The following PEX5L variants were observed in gnomAD, a reference collection of about 807,000 sequenced individuals.
PEX5L encodes peroxisomal biogenesis factor 5 like.
A neutral mutation model predicts 84.0 loss-of-function variants in PEX5L; 30 were observed. That is an observed-to-expected ratio of 0.36 (90% CI 0.27 to 0.48). PEX5L has a LOEUF of 0.48. Among genes scored for constraint, PEX5L ranks in the 20% least tolerant of loss-of-function variants. The probability of loss-of-function intolerance (pLI) is 0.99; values close to 1 mark genes in which losing one functional copy is unlikely to be tolerated. For missense variants in PEX5L, 533 were observed against 754.6 expected (o/e 0.71, Z 3.44); for synonymous variants, 270 against 283.1 (o/e 0.95, Z 0.46).
intron 2 of PEX5L, among the ~76,000 whole-genome samples, chr3:179,954,203 T>TGG (rs1560895282): frequency 1.9e-5 from 2 of 108,030 alleles, no homozygotes; most frequent in African/African-American, 7.1e-5. Context: ...TAACCATTAG[T>TGG]CGGGGGGGGG....
intron 4 of PEX5L, among the ~76,000 whole-genome samples, chr3:179,884,291 A>T (rs1288440712): frequency 6.6e-6 from 1 of 152,176 alleles, no homozygotes; most frequent in Non-Finnish European, 1.5e-5. Context: ...ATTAATCTGG[A>T]TGATCCCTGT....
intron 8 of PEX5L, among the ~76,000 whole-genome samples, chr3:179,854,142 G>A (rs1371575154): frequency 6.7e-5 from 10 of 149,742 alleles, no homozygotes; most frequent in African/African-American, 9.8e-5. Context: ...GAGGCACCAC[G>A]CCAGACTTGA....
chr3:179,844,537 T>G (rs1359719675), intron 8 of PEX5L, among the ~76,000 whole-genome samples: 1 of 152,162 alleles, frequency 6.6e-6, no homozygotes, highest in Non-Finnish European at 1.5e-5. Context: ...TAACTTCAAA[T>G]GCATCTTTCA....
intron 1 of PEX5L, among the ~76,000 whole-genome samples, chr3:180,018,223 C>T (rs965807139): frequency 6.6e-6 from 1 of 152,128 alleles, no homozygotes; most frequent in Non-Finnish European, 1.5e-5. Context: ...TACGTTGTTT[C>T]ATATAATATT....
chr3:179,964,025 C>T (rs1007485787), intron 2 of PEX5L, among the ~76,000 whole-genome samples: 12 of 151,948 alleles, frequency 7.9e-5, no homozygotes, highest in Middle Eastern at 3.4e-3. Flanking sequence ...TTGCATGTCA[C>T]GGGGATATGC....
At chr3:179,930,698 G>A (rs965063758) in intron 2 of PEX5L, among the ~76,000 whole-genome samples, 3 of 152,176 alleles carry the variant, frequency 2.0e-5, no homozygotes, top group Non-Finnish European at 2.9e-5. Flanking sequence ...GAAATGTTAG[G>A]ATCTGTCATT....
intron 14 of PEX5L, among the ~76,000 whole-genome samples, chr3:179,802,532 C>CAAAAAAAAAA (rs369244711): frequency 2.3e-3 from 165 of 73,114 alleles, no homozygotes; most frequent in South Asian, 3.5e-3. Context: ...GAGACTGTCT[C>CAAAAAAAAAA]AAAAAAAAAA....
chr3:179,816,152 G>GC, intron 9 of PEX5L, 148 bp from the exon 10 acceptor site: 1 of 707,354 alleles, frequency 1.4e-6, no homozygotes, highest in East Asian at 2.7e-5. Flanking sequence ...TGGTGGGAGT[G>GC]TAAATTAGTT....
At position 179,943,485 on chromosome 3, in the gene PEX5L, C is replaced by A. The variant is rs558022109; in HGVS notation, c.93+28109G>T. Among the ~76,000 whole-genome samples the A allele has an allele frequency of 1.4e-4, 21 of 152,308 alleles. No homozygotes were observed. In the South Asian group the frequency reaches 4.3e-3, roughly 32 times the overall value. Reference sequence around the variant, plus strand: ...ATTTAAATGTGTAATAATTAGCCTGCAGTAAATTATTGTGAGGAGAACAGA... The same window carrying A: ...ATTTAAATGTGTAATAATTAGCCTGAAGTAAATTATTGTGAGGAGAACAGA... On this transcript the variant is annotated intron_variant, in intron 2 of 14. Transcript: ENST00000467460.
At chr3:179,957,280 A>G (rs1192457777) in intron 2 of PEX5L, among the ~76,000 whole-genome samples, 1 of 152,188 alleles carries the variant, frequency 6.6e-6, no homozygotes, top group African/African-American at 2.4e-5. Context: ...TCATATATAC[A>G]TCATAAGCAT....
chr3:179,849,159 A>G (rs572135007), intron 8 of PEX5L, among the ~76,000 whole-genome samples: 2 of 152,336 alleles, frequency 1.3e-5, no homozygotes, highest in Admixed American at 6.5e-5. Context: ...GACCTCAAGA[A>G]TCATCAATAC....
At chr3:179,849,716 T>C (rs1052619316) in intron 8 of PEX5L, among the ~76,000 whole-genome samples, 3 of 152,260 alleles carry the variant, frequency 2.0e-5, no homozygotes, top group Non-Finnish European at 4.4e-5. Flanking sequence ...CAGAATAGTC[T>C]GTAACTCCTC....
chr3:179,839,181 A>C (rs1024261639), intron 8 of PEX5L, among the ~76,000 whole-genome samples: 3 of 152,176 alleles, frequency 2.0e-5, no homozygotes, highest in African/African-American at 7.2e-5. Flanking sequence ...TTCCAGTTCC[A>C]AGAAGATGAT....
intron 7 of PEX5L, among the ~76,000 whole-genome samples, chr3:179,868,476 T>C (rs1177164998): frequency 6.6e-6 from 1 of 152,148 alleles, no homozygotes; most frequent in Non-Finnish European, 1.5e-5. Context: ...TAAATTGCTC[T>C]GGTTTGGGAT....
chr3:179,811,263 A>C (rs1249004579), intron 11 of PEX5L, among the ~76,000 whole-genome samples: 6 of 152,096 alleles, frequency 3.9e-5, no homozygotes, highest in Non-Finnish European at 7.3e-5. Context: ...GTATACGCAC[A>C]CATATATATT....
intron 2 of PEX5L, among the ~76,000 whole-genome samples, chr3:179,919,006 T>C (rs1055859260): frequency 2.0e-5 from 3 of 152,242 alleles, no homozygotes; most frequent in Admixed American, 2.0e-4. Flanking sequence ...AGCTGTGGAT[T>C]TGGAAGAACA....
intron 8 of PEX5L, among the ~76,000 whole-genome samples, chr3:179,847,057 CCA>C (rs1739655975): frequency 1.8e-5 from 2 of 112,644 alleles, no homozygotes; most frequent in African/African-American, 6.6e-5. Context: ...CTCCCTTTCT[CCA>C]TGTGTGTGTG....
intron 2 of PEX5L, among the ~76,000 whole-genome samples, chr3:179,934,845 A>C (rs919253056): frequency 1.8e-4 from 27 of 152,198 alleles, no homozygotes; most frequent in African/African-American, 6.3e-4. Flanking sequence ...GTATTAATGT[A>C]TTTTAAAAAG....
intron 8 of PEX5L, among the ~76,000 whole-genome samples, chr3:179,856,604 T>C (rs1383071656): frequency 3.3e-5 from 5 of 152,236 alleles, no homozygotes; most frequent in African/African-American, 1.2e-4. Context: ...GTAAGAATAA[T>C]GTCTGGAAGT....
Sources: gnomAD v4.1 joint callset for allele counts (sites outside exome capture counted in the v4.1 genomes callset) on GRCh38, gnomAD v4.1.1 for gene constraint, MANE v1.5 for transcripts, NCBI Gene and HGNC (gene_info 2026-07-23, HGNC 2026-07-21) for gene names.